The following PACS1 variants were observed in gnomAD, a reference collection of about 807,000 sequenced individuals.
PACS1 encodes the protein phosphofurin acidic cluster sorting protein 1.
PACS1 carries 24 observed loss-of-function variants against 115.0 expected under a neutral mutation model. The ratio of observed to expected loss-of-function variants is 0.21; its 90% CI spans 0.15 to 0.29. PACS1 has a LOEUF of 0.29. PACS1 is among the 10% of genes least tolerant of loss of function. The pLI, the probability that PACS1 is intolerant of heterozygous loss-of-function variation, is 1.00. For missense variants in PACS1, 838 were observed against 1,251.2 expected (o/e 0.67, Z 4.98); for synonymous variants, 453 against 504.5 (o/e 0.90, Z 1.37).
chr11:66,142,446 TG>T (rs1442569535), intron 1 of PACS1, among the ~76,000 whole-genome samples: 1 of 151,770 alleles, frequency 6.6e-6, no homozygotes, highest in Non-Finnish European at 1.5e-5. Context: ...GCTGGGACCA[TG>T]GGCACTTGCC....
At chr11:66,227,401 T>G in intron 10 of PACS1, 103 bp from the exon 11 acceptor site, 1 of 685,270 alleles carries the variant, frequency 1.5e-6, no homozygotes, top group Non-Finnish European at 2.5e-6. Flanking sequence ...TTATGAGGTT[T>G]GAGATTAAAT....
At chr11:66,232,889 T>C in intron 14 of PACS1, 71 bp from the exon 15 acceptor site, 1 of 1,178,792 alleles carries the variant, frequency 8.5e-7, no homozygotes. Context: ...GGGTCTCACT[T>C]GCCTCTTGGC....
At chr11:66,173,163 G>GCT (rs1418723982) in intron 1 of PACS1, among the ~76,000 whole-genome samples, 2 of 150,604 alleles carry the variant, frequency 1.3e-5, no homozygotes, top group African/African-American at 4.9e-5. Context: ...AAACTCCTGG[G>GCT]CTCAAGCAAT....
intron 1 of PACS1, among the ~76,000 whole-genome samples, chr11:66,176,469 A>G (rs1316348655): frequency 6.7e-6 from 1 of 149,034 alleles, no homozygotes; most frequent in Non-Finnish European, 1.5e-5. Flanking sequence ...GCTGGAGTGC[A>G]GTGGCGTGAT....
intron 1 of PACS1, among the ~76,000 whole-genome samples, chr11:66,193,234 C>T (rs974649179): frequency 6.6e-6 from 1 of 152,180 alleles, no homozygotes; most frequent in Admixed American, 6.5e-5. Context: ...GTCCCAGCTA[C>T]TCAGGAGGCC....
chr11:66,154,632 C>T (rs1859313367), intron 1 of PACS1, among the ~76,000 whole-genome samples: 1 of 152,116 alleles, frequency 6.6e-6, no homozygotes, highest in South Asian at 2.1e-4. Context: ...CATCCAAATA[C>T]ATGAAGTACT....
intron 1 of PACS1, among the ~76,000 whole-genome samples, chr11:66,080,721 A>G (rs1857463729): frequency 6.6e-6 from 1 of 152,182 alleles, no homozygotes; most frequent in African/African-American, 2.4e-5. Flanking sequence ...TCTGGTTCTC[A>G]TAGCTGACAA....
At chr11:66,223,354 A>C (rs1267248573) in intron 10 of PACS1, among the ~76,000 whole-genome samples, 1 of 150,806 alleles carries the variant, frequency 6.6e-6, no homozygotes, top group South Asian at 2.1e-4. Flanking sequence ...TCAGCTTCCC[A>C]AAGTGCTGGG....
intron 19 of PACS1, among the ~76,000 whole-genome samples, chr11:66,237,875 G>A (rs1265443485): frequency 6.6e-6 from 1 of 152,194 alleles, no homozygotes; most frequent in Non-Finnish European, 1.5e-5. Flanking sequence ...ATAGAGAATC[G>A]GGACAGACTT....
chr11:66,205,742 C>T (rs2134692117), intron 2 of PACS1, among the ~76,000 whole-genome samples: 1 of 151,742 alleles, frequency 6.6e-6, no homozygotes, highest in African/African-American at 2.4e-5. Flanking sequence ...TATCCTTCCA[C>T]CTCTGCCTCC....
intron 1 of PACS1, among the ~76,000 whole-genome samples, chr11:66,098,073 A>T (rs1031456055): frequency 6.6e-6 from 1 of 152,182 alleles, no homozygotes; most frequent in Admixed American, 6.5e-5. Context: ...GCTACTCAGG[A>T]GGCTGAGGCG....
intron 1 of PACS1, among the ~76,000 whole-genome samples, chr11:66,138,807 C>T (rs948010025): frequency 1.5e-4 from 23 of 151,922 alleles, no homozygotes; most frequent in Non-Finnish European, 2.8e-4. Flanking sequence ...CTCAGCCTCC[C>T]GAGTAGCTGG....
chr11:66,225,956 G>A (rs1055813208), intron 10 of PACS1, among the ~76,000 whole-genome samples: 2 of 152,254 alleles, frequency 1.3e-5, no homozygotes, highest in Middle Eastern at 3.4e-3. Flanking sequence ...ATCACTTGAG[G>A]TCAGGAGTTC....
intron 1 of PACS1, among the ~76,000 whole-genome samples, chr11:66,193,045 G>C (rs546119164): frequency 3.2e-4 from 49 of 152,328 alleles, no homozygotes; most frequent in African/African-American, 1.1e-3. Context: ...AAGTAGAAGA[G>C]GAACTGTGTG....
chr11:66,146,568 A>G (rs2134601965), intron 1 of PACS1, among the ~76,000 whole-genome samples: 1 of 152,326 alleles, frequency 6.6e-6, no homozygotes, highest in East Asian at 1.9e-4. Flanking sequence ...AACATCAGGC[A>G]TACCAACACA....
chr11:66,243,182 G>A lies in PACS1; in HGVS notation c.2794G>A (p.Glu932Lys), dbSNP rs769935627. ...ACCCCTAGTGTCCATCGATGGGGTC[G>A]AGTGGAGTGACATCAAGTTCTTCCA... Reference protein sequence around the residue: ...TMLRVSIDGVEWSDIKFFQLA... With the variant: ...TMLRVSIDGVKWSDIKFFQLA... The change falls in exon 24 of 24, where the codon GAG becomes AAG. Residue 932 changes from glutamate (E) to lysine (K), a missense_variant. By Grantham distance (56) the Glu-to-Lys change is moderately conservative. Coordinates refer to ENST00000320580, the MANE Select transcript of PACS1 (RefSeq NM_018026.4). 2 of 1,613,498 alleles carry A rather than the reference G, an allele frequency of 1.2e-6. No individual in the cohort carries two copies. Among genetic ancestry groups the A allele is most frequent in the South Asian group, 1.1e-5 (1 of 91,000 alleles).
At chr11:66,230,726 G>T in intron 12 of PACS1, 63 bp downstream of exon 12, 1 of 1,612,588 alleles carries the variant, frequency 6.2e-7, no homozygotes, top group South Asian at 1.1e-5. Flanking sequence ...TGGGCTTCAG[G>T]GCTGAGGGAA....
rs77834585 is a variant in PACS1 at position 66,216,896 on chromosome 11, G to A, written c.978+121G>A. The A allele has an allele frequency of 3.5e-5, 22 of 625,606 alleles. 3 individuals are homozygous for A. The highest frequency in any genetic ancestry group is 3.0e-4 in the East Asian group (9 of 30,082). 38.8% of individuals were successfully genotyped at this position (625,606 alleles called of 1,614,324 possible). On this transcript the variant is annotated intron_variant, in intron 7 of 23. Coordinates refer to ENST00000320580, the MANE Select transcript of PACS1 (RefSeq NM_018026.4). The stretch of plus-strand genomic sequence containing the variant: ...ATCAACACAGGGTCATCCCTTCAAC[G>A]ATTCCAATGAACGCTCTATATCCTC...
chr11:66,118,267 G>A (rs976642235), intron 1 of PACS1, among the ~76,000 whole-genome samples: 2 of 152,192 alleles, frequency 1.3e-5, no homozygotes, highest in Non-Finnish European at 2.9e-5. Flanking sequence ...ATGCCATTGA[G>A]CCACTATCAA....
Sources: allele counts gnomAD v4.1 joint callset (sites outside exome capture counted in the v4.1 genomes callset), GRCh38; gene constraint gnomAD v4.1.1; transcripts MANE v1.5; gene names NCBI Gene and HGNC (gene_info 2026-07-23, HGNC 2026-07-21).